NDUFS4: variants seen among roughly 807,000 people sequenced by gnomAD.
NDUFS4 encodes the protein NADH:ubiquinone oxidoreductase subunit S4.
In NDUFS4, 28 loss-of-function variants were observed where a neutral mutation model predicts 24.3. The observed-to-expected ratio is 1.15, with a 90% confidence interval of 0.85 to 1.58. NDUFS4 has a LOEUF of 1.58. NDUFS4 is among the 40% of genes most tolerant of loss of function. The pLI, the probability that NDUFS4 is intolerant of heterozygous loss-of-function variation, is 0.00. For synonymous variants in NDUFS4, 93 were observed against 69.7 expected (o/e 1.34, Z -1.67); for missense variants, 223 against 207.9 (o/e 1.07, Z -0.45).
At chr5:53,643,597 G>A (rs1380842403) in intron 2 of NDUFS4, among the ~76,000 whole-genome samples, 1 of 152,096 alleles carries the variant, frequency 6.6e-6, no homozygotes, top group African/African-American at 2.4e-5. Context: ...TAAAGAACAG[G>A]TTCTTCTGTC....
At chr5:53,662,196 T>C (rs1195007829) in intron 4 of NDUFS4, among the ~76,000 whole-genome samples, 2 of 152,228 alleles carry the variant, frequency 1.3e-5, no homozygotes, top group Admixed American at 1.3e-4. Context: ...ATTGAGAGTT[T>C]TTAGCATGAA....
intron 1 of NDUFS4, among the ~76,000 whole-genome samples, chr5:53,592,914 T>C (rs1476040621): frequency 6.6e-6 from 1 of 152,206 alleles, no homozygotes; most frequent in African/African-American, 2.4e-5. Flanking sequence ...TTGGTCATGG[T>C]ATATAAATCT....
Position 53,579,492 on chromosome 5 carries a change from A to G in NDUFS4, c.98+18732A>G, listed in dbSNP as rs369498082. On this transcript the variant is annotated intron_variant, in intron 1 of 4. Transcript: ENST00000296684. Reference sequence around the variant, plus strand: ...CCAGAACCTGAGAATGTTACCTTATATGGCAAAAGGGACTTTGCATGCCTG... The same window carrying G: ...CCAGAACCTGAGAATGTTACCTTATGTGGCAAAAGGGACTTTGCATGCCTG... Among the ~76,000 whole-genome samples, 58 of 152,326 alleles carry G rather than the reference A, an allele frequency of 3.8e-4. No homozygotes were observed. The East Asian group carries it at 6.2e-3, about 16-fold the overall frequency.
At chr5:53,570,122 T>C (rs1219516031) in intron 1 of NDUFS4, among the ~76,000 whole-genome samples, 1 of 152,224 alleles carries the variant, frequency 6.6e-6, no homozygotes, top group African/African-American at 2.4e-5. Flanking sequence ...ATAACTGTTT[T>C]ACTGTATTGT....
intron 4 of NDUFS4, among the ~76,000 whole-genome samples, chr5:53,665,725 AC>A (rs1379986384): frequency 6.6e-6 from 1 of 151,988 alleles, no homozygotes; most frequent in Non-Finnish European, 1.5e-5. Flanking sequence ...GCCATCTGTC[AC>A]CCCTTTCTTT....
intron 1 of NDUFS4, among the ~76,000 whole-genome samples, chr5:53,588,819 T>A (rs957363163): frequency 2.6e-5 from 4 of 152,168 alleles, no homozygotes; most frequent in Admixed American, 6.5e-5. Flanking sequence ...ATATTTTATT[T>A]TTGAATTCAC....
chr5:53,670,809 T>A (rs574246279), intron 4 of NDUFS4, among the ~76,000 whole-genome samples: 40 of 151,616 alleles, frequency 2.6e-4, no homozygotes, highest in African/African-American at 9.6e-4. Context: ...ATGTTACTTA[T>A]AAAATAATAA....
intron 1 of NDUFS4, among the ~76,000 whole-genome samples, chr5:53,587,927 A>C (rs1749818088): frequency 6.6e-6 from 1 of 152,190 alleles, no homozygotes; most frequent in Non-Finnish European, 1.5e-5. Context: ...AAGGATTTCA[A>C]CCAAAAGAGT....
chr5:53,647,352 A>G (rs186388878), intron 3 of NDUFS4, among the ~76,000 whole-genome samples: 41 of 152,108 alleles, frequency 2.7e-4, no homozygotes, highest in Middle Eastern at 3.4e-3. Flanking sequence ...GTAGCTGGGA[A>G]TATAGGTGCA....
At chr5:53,595,665 C>A (rs1419522793) in intron 1 of NDUFS4, among the ~76,000 whole-genome samples, 1 of 152,146 alleles carries the variant, frequency 6.6e-6, no homozygotes, top group East Asian at 1.9e-4. Context: ...AGTATCTTGC[C>A]CACATTCTCC....
At chr5:53,588,556 A>G (rs1048731648) in intron 1 of NDUFS4, among the ~76,000 whole-genome samples, 35 of 152,322 alleles carry the variant, frequency 2.3e-4, no homozygotes, top group African/African-American at 7.9e-4. Context: ...AAGTTACTAC[A>G]TGACTGTTAT....
At chr5:53,651,612 G>A (rs1752017378) in intron 3 of NDUFS4, among the ~76,000 whole-genome samples, 1 of 151,820 alleles carries the variant, frequency 6.6e-6, no homozygotes, top group African/African-American at 2.4e-5. Context: ...ATTTAATGGA[G>A]CAAAGAGAAT....
intron 1 of NDUFS4, among the ~76,000 whole-genome samples, chr5:53,599,208 T>C (rs114852624): frequency 4.9e-4 from 74 of 152,242 alleles, no homozygotes; most frequent in African/African-American, 1.7e-3. Flanking sequence ...CTTTTGGCTA[T>C]TTGAAAAATG....
intron 1 of NDUFS4, among the ~76,000 whole-genome samples, chr5:53,572,871 C>T (rs1387209579): frequency 6.6e-6 from 1 of 151,794 alleles, no homozygotes; most frequent in Non-Finnish European, 1.5e-5. Context: ...GTCTCGAACT[C>T]CCGACCTCGT....
chr5:53,605,756 T>A (rs1251062585), intron 2 of NDUFS4, among the ~76,000 whole-genome samples: 1 of 152,140 alleles, frequency 6.6e-6, no homozygotes, highest in African/African-American at 2.4e-5. Flanking sequence ...GGCTCGTGCC[T>A]GTAATCCCAG....
intron 1 of NDUFS4, among the ~76,000 whole-genome samples, chr5:53,584,495 A>G (rs1749676477): frequency 6.6e-6 from 1 of 151,686 alleles, no homozygotes; most frequent in Non-Finnish European, 1.5e-5. Flanking sequence ...AGGTGCCACC[A>G]TGCCCGGCTA....
At chr5:53,644,496 A>G (rs569159586) in intron 2 of NDUFS4, among the ~76,000 whole-genome samples, 10 of 152,284 alleles carry the variant, frequency 6.6e-5, no homozygotes, top group Admixed American at 2.6e-4. Flanking sequence ...CAAAGGAGGA[A>G]TTAAACATTG....
At chr5:53,645,130 T>C (rs1751821939) in intron 2 of NDUFS4, among the ~76,000 whole-genome samples, 2 of 152,182 alleles carry the variant, frequency 1.3e-5, no homozygotes, top group South Asian at 4.1e-4. Context: ...ATCATTTTTA[T>C]ATTAACTCTT....
intron 4 of NDUFS4, among the ~76,000 whole-genome samples, chr5:53,664,476 C>T (rs1484931940): frequency 6.6e-6 from 1 of 152,160 alleles, no homozygotes; most frequent in Admixed American, 6.5e-5. Flanking sequence ...ACCAATCAGA[C>T]GTAGATTTGG....
Sources: allele counts gnomAD v4.1 joint callset (sites outside exome capture counted in the v4.1 genomes callset), GRCh38; gene constraint gnomAD v4.1.1; transcripts MANE v1.5; gene names NCBI Gene and HGNC (gene_info 2026-07-23, HGNC 2026-07-21).